Variants in DPY19L3 observed in about 807,000 individuals in gnomAD.
DPY19L3 encodes protein C-mannosyl-transferase DPY19L3.
A neutral mutation model predicts 92.3 loss-of-function variants in DPY19L3; 51 were observed. The observed-to-expected ratio is 0.55, with a 90% CI of 0.44 to 0.70. DPY19L3 has a LOEUF of 0.70. Among genes scored for constraint, DPY19L3 ranks in the 30% least tolerant of loss-of-function variants. DPY19L3 has a pLI of 0.00. For missense variants in DPY19L3, 706 were observed against 855.9 expected (o/e 0.82, Z 2.18); for synonymous variants, 309 against 315.2 (o/e 0.98, Z 0.21).
chr19:32,468,589 G>A, intron 15 of DPY19L3, 142 bp from the exon 16 acceptor site: 2 of 1,356,218 alleles, frequency 1.5e-6, no homozygotes, highest in Non-Finnish European at 1.9e-6. Context: ...TGCTGCAGAG[G>A]TGAAATAGTT....
chr19:32,478,545 C>A (rs1042003001), intron 17 of DPY19L3, among the ~76,000 whole-genome samples: 2 of 152,142 alleles, frequency 1.3e-5, no homozygotes, highest in African/African-American at 4.8e-5. Flanking sequence ...TAGTTCCCCT[C>A]CTAGGAGGCA....
At chr19:32,477,848 G>A (rs974589629) in intron 17 of DPY19L3, among the ~76,000 whole-genome samples, 194 bp downstream of exon 17, 11 of 152,162 alleles carry the variant, frequency 7.2e-5, no homozygotes, top group Non-Finnish European at 1.3e-4. Flanking sequence ...AGGTTTAATT[G>A]ACTTACAGTT....
chr19:32,416,476 C>G (rs1227375658), intron 3 of DPY19L3, among the ~76,000 whole-genome samples: 2 of 152,222 alleles, frequency 1.3e-5, no homozygotes, highest in East Asian at 1.9e-4. Context: ...TGGGGCCCCC[C>G]CAGGCAACCC....
chr19:32,478,656 G>T (rs1404515669), intron 17 of DPY19L3, among the ~76,000 whole-genome samples: 7 of 152,220 alleles, frequency 4.6e-5, no homozygotes. Flanking sequence ...TACAGAAGAA[G>T]TGGCATTCTA....
intron 3 of DPY19L3, among the ~76,000 whole-genome samples, chr19:32,425,475 C>A (rs571447457): frequency 6.6e-6 from 1 of 151,750 alleles, no homozygotes; most frequent in South Asian, 2.1e-4. Flanking sequence ...CACTTGAACC[C>A]GGGAGGCAGA....
In DPY19L3 at chr19:32,485,793, T is replaced by C. The variant is rs1057374060; in HGVS notation, c.*3553T>C. ...TTCTTGTGGCAATTGATTTTCTGTT[T>C]TAACACCCTTTGGGTAAAATCTTGC... On this transcript the variant is annotated 3_prime_UTR_variant, in exon 19 of 19. Transcript: ENST00000392250. The C allele has an allele frequency of 2.0e-5, 3 of 152,218 alleles. No homozygotes were observed. The highest frequency in any genetic ancestry group is 7.2e-5 in the African/African-American group (3 of 41,442). The allele number at this position is 152,218 out of a possible 1,614,324, so 9.4% of individuals were successfully genotyped here.
intron 3 of DPY19L3, among the ~76,000 whole-genome samples, chr19:32,417,503 T>G (rs1456305335): frequency 1.3e-5 from 2 of 152,050 alleles, no homozygotes; most frequent in Non-Finnish European, 1.5e-5. Flanking sequence ...GTATTTTTAG[T>G]AGAGATGGGA....
intron 3 of DPY19L3, among the ~76,000 whole-genome samples, chr19:32,419,854 C>T (rs1051761368): frequency 6.7e-6 from 1 of 149,140 alleles, no homozygotes; most frequent in African/African-American, 2.5e-5. Context: ...GGCACTCCCC[C>T]ATTTTTTTTT....
At chr19:32,405,962 CG>C (rs1967924615) in intron 1 of DPY19L3, 53 bp downstream of exon 1, 1 of 151,266 alleles carries the variant, frequency 6.6e-6, no homozygotes, top group African/African-American at 2.4e-5. Flanking sequence ...AGAGGGCGGG[CG>C]GGCGCCGGCG....
chr19:32,474,050 A>C (rs1970432992), intron 16 of DPY19L3, among the ~76,000 whole-genome samples: 1 of 151,996 alleles, frequency 6.6e-6, no homozygotes, highest in African/African-American at 2.4e-5. Context: ...CAATCTACCC[A>C]CCTCAGCCTC....
chr19:32,420,243 A>G (rs1045238907), intron 3 of DPY19L3, among the ~76,000 whole-genome samples: 2 of 152,056 alleles, frequency 1.3e-5, no homozygotes, highest in African/African-American at 2.4e-5. Flanking sequence ...GTCTTCTGCA[A>G]TAGAGTCAAC....
chr19:32,437,205 G>A lies in DPY19L3; in HGVS notation c.462G>A (p.Glu154=). ...GTTCCCTTTTACAGAAATATTTAGA[G>A]CCAGTTTATTTTTATATTTACACCT... is the stretch of plus-strand genomic sequence containing the variant. ...YRVLPIQKYL[E]PVYFYIYTLF... is the part of the protein sequence containing the mutation. Residue 154 remains glutamate (E), a synonymous_variant, in exon 6 of 19, where the codon GAG becomes GAA. Coordinates refer to ENST00000392250, the MANE Select transcript of DPY19L3 (RefSeq NM_001172774.2). 6.2e-7 allele frequency: 1 copy of A among 1,614,004 alleles called. No individual in the cohort carries two copies. Among genetic ancestry groups the A allele is most frequent in the Middle Eastern group, 1.7e-4 (1 of 6,054 alleles).
At chr19:32,418,640 A>G (rs2145421638) in intron 3 of DPY19L3, among the ~76,000 whole-genome samples, 1 of 152,296 alleles carries the variant, frequency 6.6e-6, no homozygotes, top group Non-Finnish European at 1.5e-5. Flanking sequence ...ATCTCCTGTA[A>G]TTTATACCAT....
chr19:32,475,362 C>G (rs1048126323), intron 16 of DPY19L3, among the ~76,000 whole-genome samples: 1 of 152,200 alleles, frequency 6.6e-6, no homozygotes, highest in East Asian at 1.9e-4. Flanking sequence ...TCGCCTCCAC[C>G]TCCTGCTCTG....
At chr19:32,455,206 C>CA (rs1324185509) in intron 10 of DPY19L3, among the ~76,000 whole-genome samples, 166 bp downstream of exon 10, 3 of 152,144 alleles carry the variant, frequency 2.0e-5, no homozygotes, top group Non-Finnish European at 2.9e-5. Flanking sequence ...ATGGCCCTCC[C>CA]ACCTTAGCCT....
intron 9 of DPY19L3, among the ~76,000 whole-genome samples, chr19:32,453,554 T>C (rs529307982): frequency 9.9e-5 from 15 of 152,194 alleles, no homozygotes; most frequent in African/African-American, 3.6e-4. Flanking sequence ...GCCACTGATT[T>C]AAAATTGAAG....
intron 6 of DPY19L3, among the ~76,000 whole-genome samples, chr19:32,438,378 T>G (rs182632813): frequency 9.4e-4 from 143 of 152,268 alleles, no homozygotes; most frequent in African/African-American, 3.3e-3. Flanking sequence ...AATGATAAAA[T>G]TGAGGCTTTA....
chr19:32,455,323 G>A (rs1487308649), intron 10 of DPY19L3, among the ~76,000 whole-genome samples: 1 of 152,062 alleles, frequency 6.6e-6, no homozygotes, highest in African/African-American at 2.4e-5. Context: ...TGACTCAAGA[G>A]TTACCAGTTT....
chr19:32,477,687 GTGGGCCAGCTA>G, intron 17 of DPY19L3, 33 bp downstream of exon 17: 1 of 1,612,776 alleles, frequency 6.2e-7, no homozygotes, highest in East Asian at 2.2e-5. Flanking sequence ...CTCGCTTCTT[GTGGGCCAGCTA>G]TGGGCTGCGT....
Sources: allele counts gnomAD v4.1 joint callset (sites outside exome capture counted in the v4.1 genomes callset), GRCh38; gene constraint gnomAD v4.1.1; transcripts MANE v1.5; gene names NCBI Gene and HGNC (gene_info 2026-07-23, HGNC 2026-07-21).